SVOPL: variants seen among roughly 807,000 people sequenced by gnomAD.
The protein encoded by SVOPL is putative transporter SVOPL.
Under a neutral mutation model 61.0 loss-of-function variants are expected in SVOPL, and 60 were observed. The observed-to-expected ratio is 0.98, with a 90% CI of 0.80 to 1.22. The LOEUF (loss-of-function observed/expected upper bound fraction) is 1.22. Ranked by LOEUF, SVOPL falls within the 50% of genes most tolerant of loss-of-function variation. The pLI is 0.00. For missense variants in SVOPL, 662 were observed against 643.9 expected (o/e 1.03, Z -0.30); for synonymous variants, 279 against 250.0 (o/e 1.12, Z -1.09).
chr7:138,624,762 A>G (rs927126772), intron 13 of SVOPL, among the ~76,000 whole-genome samples: 3 of 150,434 alleles, frequency 2.0e-5, no homozygotes, highest in African/African-American at 7.4e-5. Context: ...CAGTGGTGCC[A>G]TCAGAACTCA....
At chr7:138,629,216 T>C (rs1800050870) in intron 10 of SVOPL, among the ~76,000 whole-genome samples, 1 of 141,714 alleles carries the variant, frequency 7.1e-6, no homozygotes, top group Non-Finnish European at 1.5e-5. Context: ...CATGGATGGC[T>C]TACCTTTCAG....
At chr7:138,631,464 C>A (rs926584737) in intron 9 of SVOPL, among the ~76,000 whole-genome samples, 1 of 152,100 alleles carries the variant, frequency 6.6e-6, no homozygotes, top group Admixed American at 6.6e-5. Flanking sequence ...ATCCCCACCT[C>A]CCCCCATCCT....
At position 138,690,185 on chromosome 7, in the gene SVOPL, G is replaced by A. The variant is rs114385185; in HGVS notation, c.-35+10993C>T. 3.2e-3 allele frequency among the ~76,000 whole-genome samples: 481 copies of A among 152,290 alleles called. 3 individuals are homozygous for A. Among genetic ancestry groups the A allele is most frequent in the African/African-American group, 0.011 (441 of 41,544 alleles). Reference sequence around the variant, plus strand: ...CAATTTCTCTTGTTTAAGCCGCTCCGTGTATGGTACTTTGTTATGGCAGCC... The same window carrying A: ...CAATTTCTCTTGTTTAAGCCGCTCCATGTATGGTACTTTGTTATGGCAGCC... On this transcript the variant is annotated intron_variant, in intron 1 of 15. Transcript: ENST00000674285.
At chr7:138,607,159 G>T (rs1798796017) in intron 14 of SVOPL, among the ~76,000 whole-genome samples, 1 of 152,086 alleles carries the variant, frequency 6.6e-6, no homozygotes, top group South Asian at 2.1e-4. Context: ...AAACATGCTA[G>T]ATTTAAGATG....
At chr7:138,607,172 T>G (rs538646530) in intron 14 of SVOPL, among the ~76,000 whole-genome samples, 1 of 152,088 alleles carries the variant, frequency 6.6e-6, no homozygotes, top group South Asian at 2.1e-4. Context: ...TTAAGATGCT[T>G]TTGAGACATC....
At chr7:138,694,451 G>A (rs1219094297) in intron 1 of SVOPL, among the ~76,000 whole-genome samples, 4 of 151,992 alleles carry the variant, frequency 2.6e-5, no homozygotes, top group Non-Finnish European at 5.9e-5. Flanking sequence ...TCACCATGTT[G>A]GCCAGGCTGG....
At chr7:138,691,369 G>A (rs1439567482) in intron 1 of SVOPL, among the ~76,000 whole-genome samples, 2 of 143,842 alleles carry the variant, frequency 1.4e-5, no homozygotes, top group Admixed American at 7.2e-5. Flanking sequence ...CATGTTTTAT[G>A]ATGTCTCAGA....
chr7:138,636,742 A>T (rs1800488136), intron 9 of SVOPL, among the ~76,000 whole-genome samples: 1 of 152,136 alleles, frequency 6.6e-6, no homozygotes, highest in Non-Finnish European at 1.5e-5. Flanking sequence ...AAGTACTGGG[A>T]TTACAGATGT....
chr7:138,653,993 T>C (rs576013471), intron 7 of SVOPL, among the ~76,000 whole-genome samples: 2 of 148,464 alleles, frequency 1.3e-5, no homozygotes, highest in African/African-American at 2.5e-5. Context: ...GTTAGCTGGG[T>C]GTGGTGGTGC....
chr7:138,672,511 T>C (rs1186752988), intron 3 of SVOPL, among the ~76,000 whole-genome samples: 2 of 152,134 alleles, frequency 1.3e-5, no homozygotes, highest in Non-Finnish European at 2.9e-5. Flanking sequence ...ATTATGAAGG[T>C]TGCAGAGCAC....
Position 138,672,106 on chromosome 7 carries a change from G to A in SVOPL, c.186C>T (p.Ala62=). The A allele has an allele frequency of 1.3e-6, 2 of 1,551,648 alleles. No homozygotes were observed. Among genetic ancestry groups the A allele is most frequent in the Non-Finnish European group, 1.7e-6 (2 of 1,146,972 alleles). The part of the protein sequence containing the change: ...LIMGSTGVVE[A]MEIMLIAVVS... ...CAACAGCTATCAACATGATCTCCAT[G>A]GCCTCAACCACCTTAAAGAAGAGGG... The change falls in exon 4 of 16, where the codon GCC becomes GCT. Residue 62 remains alanine, a synonymous_variant. Coordinates refer to ENST00000674285, the MANE Select transcript of SVOPL (RefSeq NM_001139456.2).
At chr7:138,632,234 C>T (rs901529902) in intron 9 of SVOPL, among the ~76,000 whole-genome samples, 7 of 152,138 alleles carry the variant, frequency 4.6e-5, no homozygotes, top group Non-Finnish European at 7.3e-5. Context: ...GGGTTCAAGA[C>T]CAGCCTGGCC....
chr7:138,695,305 G>A (rs1378800815), intron 1 of SVOPL, among the ~76,000 whole-genome samples: 1 of 152,062 alleles, frequency 6.6e-6, no homozygotes, highest in African/African-American at 2.4e-5. Context: ...TGAGCCTAGG[G>A]GTTCAAGACT....
Position 138,636,748 on chromosome 7 carries a change from G to A in SVOPL, c.790-6626C>T, listed in dbSNP as rs1800488255. Among the ~76,000 whole-genome samples, 9 of 152,090 alleles carry A rather than the reference G, an allele frequency of 5.9e-5. No homozygotes were observed. The South Asian group carries it at 1.9e-3, about 32-fold the overall frequency. ...GGCCTCCCAAAGTACTGGGATTACA[G>A]ATGTGAGCCACCACACCCGGCGGAT... On this transcript the variant is annotated intron_variant, in intron 9 of 15. Coordinates refer to ENST00000674285, the MANE Select transcript of SVOPL (RefSeq NM_001139456.2).
chr7:138,674,898 A>T (rs766766040), intron 3 of SVOPL, among the ~76,000 whole-genome samples: 1 of 151,624 alleles, frequency 6.6e-6, no homozygotes, highest in Admixed American at 6.6e-5. Flanking sequence ...AGATCATTTC[A>T]CTTCCTTGAG....
At chr7:138,666,865 T>C (rs1490240395) in intron 4 of SVOPL, among the ~76,000 whole-genome samples, 3 of 152,178 alleles carry the variant, frequency 2.0e-5, no homozygotes, top group Non-Finnish European at 4.4e-5. Flanking sequence ...GCCAAATATG[T>C]ATGATGCCAG....
chr7:138,663,516 A>C, intron 4 of SVOPL: 2 of 1,022,984 alleles, frequency 2.0e-6, no homozygotes, highest in Non-Finnish European at 2.3e-6. Flanking sequence ...GGGCCACTAG[A>C]AGCAGTCTCC....
chr7:138,678,668 C>T (rs2117121881), intron 2 of SVOPL, 143 bp from the exon 3 acceptor site: 1 of 753,370 alleles, frequency 1.3e-6, no homozygotes, highest in Non-Finnish European at 2.1e-6. Context: ...GCCTACTGGT[C>T]CAAGCAATTC....
intron 9 of SVOPL, among the ~76,000 whole-genome samples, chr7:138,643,422 CAAA>C (rs36014220): frequency 3.0e-5 from 2 of 67,330 alleles, no homozygotes; most frequent in Non-Finnish European, 6.0e-5. Context: ...GACTCCATCT[CAAA>C]AAAAAAAAAA....
Sources: gnomAD v4.1 joint callset for allele counts (sites outside exome capture counted in the v4.1 genomes callset) on GRCh38, gnomAD v4.1.1 for gene constraint, MANE v1.5 for transcripts, NCBI Gene and HGNC (gene_info 2026-07-23, HGNC 2026-07-21) for gene names.